TMEM233: variants seen among roughly 807,000 people sequenced by gnomAD.
The protein encoded by TMEM233 is dispanin subfamily B member 2.
In TMEM233, 6 loss-of-function variants were observed where a neutral mutation model predicts 11.2. The ratio of observed to expected loss-of-function variants is 0.54; its 90% confidence interval spans 0.29 to 1.06. The LOEUF (loss-of-function observed/expected upper bound fraction) is 1.06, where lower values mean the gene tolerates loss of function less well. Ranked by LOEUF, TMEM233 falls within the 50% of genes least tolerant of loss-of-function variation. TMEM233 has a pLI of 0.08. For synonymous variants in TMEM233, 59 were observed against 55.8 expected (o/e 1.06, Z -0.26); for missense variants, 127 against 144.7 (o/e 0.88, Z 0.63).
chr12:119,629,943 G>A, intron 2 of TMEM233, 71 bp downstream of exon 2: 1 of 1,468,950 alleles, frequency 6.8e-7, no homozygotes, highest in Non-Finnish European at 9.1e-7. Flanking sequence ...ATCTGTTAGG[G>A]TAGATTAGGT....
intron 1 of TMEM233, among the ~76,000 whole-genome samples, chr12:119,608,607 G>A (rs908736171): frequency 6.6e-6 from 1 of 152,190 alleles, no homozygotes; most frequent in African/African-American, 2.4e-5. Context: ...AAGCTGGTTG[G>A]GGTGGCAGTT....
chr12:119,653,384 G>A, the TMEM233 span, among the ~76,000 whole-genome samples: 286 of 69,988 alleles, frequency 4.1e-3, 1 homozygote, highest in African/African-American at 0.017. Flanking sequence ...AGAGCGAGAC[G>A]CCACCTCAAA....
intron 1 of TMEM233, among the ~76,000 whole-genome samples, chr12:119,617,679 C>T (rs771296401): frequency 6.6e-6 from 1 of 151,890 alleles, no homozygotes; most frequent in Non-Finnish European, 1.5e-5. Flanking sequence ...ACTAAAAATA[C>T]AAAATTAGCC....
In TMEM233 at chr12:119,594,089, G is replaced by T; in HGVS notation, c.186+55G>T. ...GGAGGAGAGACCCGGGCGGCTTTGA[G>T]CCCCTGCAGGGGAGTCCGCGCGCTC... On this transcript the variant is annotated intron_variant, in intron 1 of 2. Coordinates refer to ENST00000426426, the MANE Select transcript of TMEM233 (RefSeq NM_001136534.3). This position sits in a 1 kb window ranked among gnomAD's most constrained non-coding sequence, Gnocchi z 5.6. 1 of 1,531,138 alleles carries T rather than the reference G, an allele frequency of 6.5e-7. No individual in the cohort carries two copies. The highest frequency in any genetic ancestry group is 8.8e-7 in the Non-Finnish European group (1 of 1,134,014). The allele number at this position is 1,531,138 out of a possible 1,614,324, so 94.8% of individuals were successfully genotyped here.
chr12:119,594,001 C>T lies in TMEM233; in HGVS notation c.153C>T (p.Pro51=), dbSNP rs769563999. 2 of 1,551,748 alleles carry T rather than the reference C, an allele frequency of 1.3e-6. No homozygotes were observed. The highest frequency in any genetic ancestry group is 1.2e-5 in the South Asian group (1 of 84,060). ...TIVSCFCPAY[P]INIVALVFSI... is the part of the protein sequence containing the mutation. ...TCTCGTGTTTTTGCCCTGCGTACCCCATCAACATCGTGGCTTTGGTCTTTT... is the reference window on the plus strand; with the variant it reads ...TCTCGTGTTTTTGCCCTGCGTACCCTATCAACATCGTGGCTTTGGTCTTTT... Residue 51 remains proline, a synonymous_variant, in exon 1 of 3, where the codon CCC becomes CCT. Transcript: ENST00000426426. This position sits in a 1 kb window ranked among gnomAD's most constrained non-coding sequence, Gnocchi z 5.6.
chr12:119,632,622 C>G (rs116290856), intron 2 of TMEM233, among the ~76,000 whole-genome samples: 74 of 152,216 alleles, frequency 4.9e-4, no homozygotes, highest in African/African-American at 1.7e-3. Flanking sequence ...GTGGTGGGGA[C>G]CATGGTAATT....
chr12:119,645,386 A>C (rs1955137331), downstream of TMEM233, among the ~76,000 whole-genome samples: 1 of 151,946 alleles, frequency 6.6e-6, no homozygotes, highest in Admixed American at 6.6e-5. Flanking sequence ...CAATTCTTAA[A>C]AAATACTCAC....
intron 2 of TMEM233, chr12:119,634,130 C>A: frequency 2.9e-6 from 1 of 339,358 alleles, no homozygotes; most frequent in Non-Finnish European, 4.2e-6. Flanking sequence ...TCATCCTAAT[C>A]TGCTGTCTAA....
chr12:119,646,128 G>A (rs945994784), downstream of TMEM233, among the ~76,000 whole-genome samples: 1 of 151,768 alleles, frequency 6.6e-6, no homozygotes, highest in African/African-American at 2.4e-5. Context: ...CATGATCTTG[G>A]CTCACTGCAA....
intron 1 of TMEM233, among the ~76,000 whole-genome samples, chr12:119,605,668 A>T (rs917441882): frequency 6.6e-6 from 1 of 151,930 alleles, no homozygotes; most frequent in African/African-American, 2.4e-5. Context: ...TGCTCAAGGG[A>T]TCTACCCCCC....
At chr12:119,633,175 G>A (rs779282587) in intron 2 of TMEM233, among the ~76,000 whole-genome samples, 9 of 152,042 alleles carry the variant, frequency 5.9e-5, no homozygotes, top group Admixed American at 2.0e-4. Context: ...CAGGCTATCT[G>A]GGCAAATTAT....
chr12:119,652,950 C>T, the TMEM233 span, among the ~76,000 whole-genome samples: 1 of 151,990 alleles, frequency 6.6e-6, no homozygotes, highest in Non-Finnish European at 1.5e-5. Flanking sequence ...ATGGATCCAC[C>T]CAAAAGAAGT....
At chr12:119,645,481 C>A (rs1276900143), downstream of TMEM233, among the ~76,000 whole-genome samples, 6 of 152,136 alleles carry the variant, frequency 3.9e-5, no homozygotes, top group Non-Finnish European at 8.8e-5. Context: ...TTTGGACAAG[C>A]ACAAAGAGAG....
chr12:119,623,688 T>C (rs576843498), intron 1 of TMEM233, among the ~76,000 whole-genome samples: 1 of 152,204 alleles, frequency 6.6e-6, no homozygotes, highest in African/African-American at 2.4e-5. Flanking sequence ...ACCCCAAAGA[T>C]TGCAGATTTA....
At position 119,594,110 on chromosome 12, in the gene TMEM233, CG is replaced by C; in HGVS notation, c.186+77del. On this transcript the variant is annotated intron_variant, in intron 1 of 2. Coordinates refer to ENST00000426426, the MANE Select transcript of TMEM233 (RefSeq NM_001136534.3). The surrounding 1 kb of genome is among the most constrained non-coding windows in gnomAD (Gnocchi z 5.6). ...TTGAGCCCCTGCAGGGGAGTCCGCGCGCTCTCTGCGGCTCCCTTCCTCACGG... is the reference window on the plus strand; with the variant it reads ...TTGAGCCCCTGCAGGGGAGTCCGCGCCTCTCTGCGGCTCCCTTCCTCACGG... 1 of 1,426,872 alleles carries C rather than the reference CG, an allele frequency of 7.0e-7. No homozygotes were observed. Among genetic ancestry groups the C allele is most frequent in the Non-Finnish European group, 9.5e-7 (1 of 1,051,128 alleles). 88.4% of individuals were successfully genotyped at this position (1,426,872 alleles called of 1,614,324 possible). A position where few individuals can be genotyped will look rare whatever the true frequency, so the allele number is the denominator to read the frequency against.
At chr12:119,633,873 G>A (rs1382359404) in intron 2 of TMEM233, among the ~76,000 whole-genome samples, 1 of 152,130 alleles carries the variant, frequency 6.6e-6, no homozygotes. Flanking sequence ...TACCTGGAGA[G>A]GTTTTAAAAA....
At chr12:119,609,553 A>G (rs1359327514) in intron 1 of TMEM233, among the ~76,000 whole-genome samples, 1 of 152,162 alleles carries the variant, frequency 6.6e-6, no homozygotes, top group Non-Finnish European at 1.5e-5. Context: ...AAATGGTTTT[A>G]TGGGCCCAGG....
chr12:119,630,161 C>T (rs758735074), intron 2 of TMEM233, among the ~76,000 whole-genome samples: 7 of 152,240 alleles, frequency 4.6e-5, no homozygotes, highest in Non-Finnish European at 1.0e-4. Context: ...AACTACTCAA[C>T]TCAGTCTTTG....
intron 1 of TMEM233, among the ~76,000 whole-genome samples, chr12:119,625,192 G>C (rs1479209043): frequency 6.6e-6 from 1 of 152,130 alleles, no homozygotes; most frequent in East Asian, 1.9e-4. Flanking sequence ...AAGCTCTGTG[G>C]TATACTGGGT....
Sources: gnomAD v4.1 joint callset for allele counts (sites outside exome capture counted in the v4.1 genomes callset) on GRCh38, gnomAD v4.1.1 for gene constraint, Gnocchi (gnomAD v3.1) non-coding constraint, MANE v1.5 for transcripts, NCBI Gene and HGNC (gene_info 2026-07-23, HGNC 2026-07-21) for gene names.